The following SLC16A7 variants were observed in gnomAD, a reference collection of about 807,000 sequenced individuals.
SLC16A7 encodes solute carrier family 16 member 7.
A neutral mutation model predicts 34.9 loss-of-function variants in SLC16A7; 33 were observed. The ratio of observed to expected loss-of-function variants is 0.94; its 90% CI spans 0.72 to 1.26. The LOEUF is 1.26. SLC16A7 is among the 50% of genes most tolerant of loss of function. The pLI, the probability that SLC16A7 is intolerant of heterozygous loss-of-function variation, is 0.00. For missense variants in SLC16A7, 573 were observed against 578.1 expected (o/e 0.99, Z 0.09); for synonymous variants, 201 against 206.6 (o/e 0.97, Z 0.23).
rs61130835 is a variant in SLC16A7, at chr12:59,603,194, C to T, written c.-130+6958C>T. Among the ~76,000 whole-genome samples the T allele has an allele frequency of 1.6e-4, 24 of 152,310 alleles. No individual in the cohort carries two copies. The East Asian group carries it at 3.5e-3, about 22-fold the overall frequency. On this transcript the variant is annotated intron_variant, in intron 1 of 5. Transcript: ENST00000547379. ...ACTACCTACAGTCATGTAATAGTCT[C>T]TTAGTGGGTATTCCCACCTCTGGTC...
intron 2 of SLC16A7, among the ~76,000 whole-genome samples, chr12:59,660,340 C>T (rs1433491749): frequency 6.6e-6 from 1 of 151,758 alleles, no homozygotes; most frequent in Non-Finnish European, 1.5e-5. Context: ...CATGGGGAAC[C>T]CAGAGGGTAA....
chr12:59,654,106 A>T (rs1868412766), intron 1 of SLC16A7, among the ~76,000 whole-genome samples: 1 of 151,264 alleles, frequency 6.6e-6, no homozygotes, highest in South Asian at 2.1e-4. Context: ...TGTTATTATT[A>T]ATAATTATAT....
At chr12:59,754,824 A>T (rs1880094830) in intron 3 of SLC16A7, among the ~76,000 whole-genome samples, 1 of 152,202 alleles carries the variant, frequency 6.6e-6, no homozygotes, top group Non-Finnish European at 1.5e-5. Context: ...TTTTAGACCA[A>T]TATCCTTGAT....
intron 1 of SLC16A7, among the ~76,000 whole-genome samples, chr12:59,612,353 C>G (rs1879237179): frequency 6.6e-6 from 1 of 152,274 alleles, no homozygotes; most frequent in East Asian, 1.9e-4. Flanking sequence ...TTAGCGATGG[C>G]TGGAGCTGAA....
intron 3 of SLC16A7, among the ~76,000 whole-genome samples, chr12:59,756,992 A>T (rs1453497549): frequency 7.0e-6 from 1 of 142,572 alleles, no homozygotes; most frequent in East Asian, 2.0e-4. Context: ...CATTCTCAGT[A>T]AACTATCTCA....
In SLC16A7 at chr12:59,709,758, C is replaced by T. The variant is rs572713513; in HGVS notation, c.217+4740C>T. 1.5e-4 allele frequency among the ~76,000 whole-genome samples: 22 copies of T among 151,664 alleles called. No individual in the cohort carries two copies. The South Asian group carries it at 4.3e-3, about 30-fold the overall frequency. On this transcript the variant is annotated intron_variant, in intron 3 of 5. Coordinates refer to ENST00000547379, the MANE Select transcript of SLC16A7 (RefSeq NM_001270623.2). Reference sequence around the variant, plus strand: ...TTTTCATCTGTAGGCATAAATATTACTAAAGCTTTCTATGAAATATGGTAC... The same window carrying T: ...TTTTCATCTGTAGGCATAAATATTATTAAAGCTTTCTATGAAATATGGTAC...
chr12:59,727,170 A>ATATATATATATATATATATATAAT (rs1555174538), intron 3 of SLC16A7, among the ~76,000 whole-genome samples: 1 of 144,380 alleles, frequency 6.9e-6, no homozygotes, highest in Admixed American at 6.9e-5. Context: ...ATATATATAT[A>ATATATATATATATATATATATAAT]ATATATATAT....
chr12:59,598,342 G>A (rs551552949), intron 1 of SLC16A7, among the ~76,000 whole-genome samples: 1 of 152,330 alleles, frequency 6.6e-6, no homozygotes, highest in East Asian at 1.9e-4. Flanking sequence ...CTAGAATACA[G>A]ACGGGCTATA....
At chr12:59,601,687 A>G (rs898766978) in intron 1 of SLC16A7, among the ~76,000 whole-genome samples, 2 of 152,196 alleles carry the variant, frequency 1.3e-5, no homozygotes, top group Non-Finnish European at 2.9e-5. Context: ...TATTTCTCAC[A>G]GTTCTAGAGG....
At chr12:59,702,646 T>C (rs1219676788) in intron 2 of SLC16A7, among the ~76,000 whole-genome samples, 1 of 152,126 alleles carries the variant, frequency 6.6e-6, no homozygotes, top group Non-Finnish European at 1.5e-5. Flanking sequence ...CATTTTTTGG[T>C]AGGCTTCTAA....
intron 2 of SLC16A7, among the ~76,000 whole-genome samples, chr12:59,664,371 G>C (rs1839459111): frequency 6.6e-6 from 1 of 152,102 alleles, no homozygotes. Context: ...GGGACAGAGA[G>C]CATGCATTTA....
At chr12:59,607,520 A>G (rs1879000344) in intron 1 of SLC16A7, among the ~76,000 whole-genome samples, 1 of 152,208 alleles carries the variant, frequency 6.6e-6, no homozygotes, top group Non-Finnish European at 1.5e-5. Flanking sequence ...TTACTCAGTA[A>G]TCTGTGAGGC....
At position 59,705,021 on chromosome 12, in the gene SLC16A7, A is replaced by G. The variant is rs756880496; in HGVS notation, c.217+3A>G. The G allele has an allele frequency of 6.3e-7, 1 of 1,582,130 alleles. No homozygotes were observed. On this transcript the variant is annotated splice_donor_region_variant and intron_variant, in intron 3 of 5. Transcript: ENST00000547379. ...GCTGGCTGTTATGTACGCAGGAGGT[A>G]AGCTTCTTGCAATAAATAGAATCCT...
intron 3 of SLC16A7, among the ~76,000 whole-genome samples, chr12:59,770,726 A>T (rs1213049575): frequency 1.3e-5 from 2 of 152,158 alleles, no homozygotes; most frequent in Non-Finnish European, 2.9e-5. Flanking sequence ...TCAATAAATT[A>T]TAGTATTAAA....
chr12:59,747,342 C>G, intron 3 of SLC16A7, among the ~76,000 whole-genome samples: 1 of 152,060 alleles, frequency 6.6e-6, no homozygotes, highest in Admixed American at 6.5e-5. Context: ...TAAACAACAA[C>G]GAAATTGTTA....
chr12:59,654,206 G>T (rs1497472), intron 1 of SLC16A7, among the ~76,000 whole-genome samples: 3,877 of 151,174 alleles, frequency 0.026, 148 homozygotes, highest in African/African-American at 0.088. Flanking sequence ...ATCTAAAGGA[G>T]TCTTTAAATA....
At position 59,788,652 on chromosome 12, in the gene SLC16A7, A is replaced by T. The variant is rs1883786307; in HGVS notation, c.*8973A>T. 1 of 151,972 alleles carries T rather than the reference A, an allele frequency of 6.6e-6. No homozygotes were observed. Among genetic ancestry groups the T allele is most frequent in the Admixed American group, 6.6e-5 (1 of 15,248 alleles). The allele number at this position is 151,972 out of a possible 1,614,324, so 9.4% of individuals were successfully genotyped here. ...ACCTTCTTTTTTTGCCTTCTTACAC[A>T]TGAATGTACTTAAAGTATTGTTATG... On this transcript the variant is annotated 3_prime_UTR_variant, in exon 6 of 6. Coordinates refer to ENST00000547379, the MANE Select transcript of SLC16A7 (RefSeq NM_001270623.2).
intron 2 of SLC16A7, among the ~76,000 whole-genome samples, chr12:59,656,628 T>A (rs539823821): frequency 6.6e-6 from 1 of 152,118 alleles, no homozygotes; most frequent in Admixed American, 6.6e-5. Context: ...GCCATTGTAT[T>A]TGTGGTTGTT....
At position 59,773,208 on chromosome 12, in the gene SLC16A7, A is replaced by C. The variant is rs116028813; in HGVS notation, c.362-1449A>C. Among the ~76,000 whole-genome samples, 489 of 152,060 alleles carry C rather than the reference A, an allele frequency of 3.2e-3. 3 individuals are homozygous for C. Among genetic ancestry groups the C allele is most frequent in the African/African-American group, 0.011 (458 of 41,496 alleles). On this transcript the variant is annotated intron_variant, in intron 4 of 5. Coordinates refer to ENST00000547379, the MANE Select transcript of SLC16A7 (RefSeq NM_001270623.2). ...CATAGGCTGGTCAGTTTTGTTATTT[A>C]TAAATCGGATTTAATTACACTCATT...
Sources: gnomAD v4.1 joint callset for allele counts (sites outside exome capture counted in the v4.1 genomes callset) on GRCh38, gnomAD v4.1.1 for gene constraint, MANE v1.5 for transcripts, NCBI Gene and HGNC (gene_info 2026-07-23, HGNC 2026-07-21) for gene names.